The following CRTC1 variants were observed in gnomAD, a reference collection of about 807,000 sequenced individuals.
The protein encoded by CRTC1 is CREB regulated transcription coactivator 1.
A neutral mutation model predicts 66.1 loss-of-function variants in CRTC1; 18 were observed. The ratio of observed to expected loss-of-function variants is 0.27; its 90% CI spans 0.19 to 0.40. CRTC1 has a LOEUF of 0.40. Ranked by LOEUF, CRTC1 falls within the 10% of genes least tolerant of loss-of-function variation. The pLI, the probability that CRTC1 is intolerant of heterozygous loss-of-function variation, is 1.00. For missense variants in CRTC1, 669 were observed against 887.9 expected, an observed-to-expected ratio of 0.75 and a Z score of 3.13; for synonymous variants, 416 against 398.8, an observed-to-expected ratio of 1.04 and a Z score of -0.51.
intron 5 of CRTC1, among the ~76,000 whole-genome samples, chr19:18,751,061 A>G (rs747081480): frequency 3.3e-5 from 5 of 152,032 alleles, no homozygotes; most frequent in African/African-American, 7.2e-5. Flanking sequence ...CACATCATCT[A>G]TCCCCACTCT....
At chr19:18,751,108 G>GGCCTGGCTGCCTCCTCGCA (rs2054353283) in intron 5 of CRTC1, among the ~76,000 whole-genome samples, 1 of 152,146 alleles carries the variant, frequency 6.6e-6, no homozygotes, top group African/African-American at 2.4e-5. Context: ...GGCTGGGGTT[G>GGCCTGGCTGCCTCCTCGCA]GCCTGGCTGC....
intron 1 of CRTC1, among the ~76,000 whole-genome samples, chr19:18,724,623 C>T (rs562643615): frequency 1.5e-4 from 22 of 150,804 alleles, no homozygotes; most frequent in Non-Finnish European, 1.0e-4. Flanking sequence ...TGGCTCCAGC[C>T]GTTCCTTGGC....
Position 18,742,905 on chromosome 19 carries a change from C to T in CRTC1, c.127-5C>T, listed in dbSNP as rs569938199. On this transcript the variant is annotated splice_region_variant and splice_polypyrimidine_tract_variant and intron_variant, in intron 1 of 13. Coordinates refer to ENST00000321949, the MANE Select transcript of CRTC1 (RefSeq NM_015321.3). ...CTCCCGCAGCTGCTGGCTTCTCTCT[C>T]GCAGCTCCAGCTCCAGAAATCCCAG... 10 of 1,608,978 alleles carry T rather than the reference C, an allele frequency of 6.2e-6. No individual in the cohort carries two copies. Among genetic ancestry groups the T allele is most frequent in the South Asian group, 3.3e-5 (3 of 90,984 alleles).
At chr19:18,688,823 C>T (rs2052753183) in intron 1 of CRTC1, among the ~76,000 whole-genome samples, 1 of 152,154 alleles carries the variant, frequency 6.6e-6, no homozygotes, top group Non-Finnish European at 1.5e-5. Flanking sequence ...CACATTTGCA[C>T]AGCCAACACC....
At position 18,778,090 on chromosome 19, in the gene CRTC1, C is replaced by T. The variant is rs931823393; in HGVS notation, c.*708C>T. 1 of 233,166 alleles carries T rather than the reference C, an allele frequency of 4.3e-6. No individual in the cohort carries two copies. The highest frequency in any genetic ancestry group is 6.0e-5 in the East Asian group (1 of 16,532). The allele number at this position is 233,166 out of a possible 1,614,324, so 14.4% of individuals were successfully genotyped here. A position where few individuals can be genotyped will look rare whatever the true frequency, so the allele number is the denominator to read the frequency against. ...CCATCCCCTCGAAGCCCTGCCTCAC[C>T]GCAGGCAGGCCCATCGGTGGCCACC... On this transcript the variant is annotated 3_prime_UTR_variant, in exon 14 of 14. Transcript: ENST00000321949.
At position 18,770,828 on chromosome 19, in the gene CRTC1, ATGTGGG is replaced by A. The variant is rs1469772461; in HGVS notation, c.1321-603_1321-598del. On this transcript the variant is annotated intron_variant, in intron 10 of 13. Coordinates refer to ENST00000321949, the MANE Select transcript of CRTC1 (RefSeq NM_015321.3). ...GGTGTGTACATGCGTGGGTGTGTCCATGTGGGTGTGGGTGTGCATGTGGGTGTGGGT... is the reference window on the plus strand; with the variant it reads ...GGTGTGTACATGCGTGGGTGTGTCCATGTGGGTGTGCATGTGGGTGTGGGT... Among the ~76,000 whole-genome samples the A allele has an allele frequency of 4.2e-5, 6 of 143,056 alleles. No homozygotes were observed. The East Asian group carries it at 8.3e-4, about 20-fold the overall frequency. The allele number at this position is 143,056 out of a possible 152,430, so 93.9% of individuals were successfully genotyped here. A position where few individuals can be genotyped will look rare whatever the true frequency, so the allele number is the denominator to read the frequency against.
At chr19:18,755,886 G>T (rs949947105) in intron 6 of CRTC1, among the ~76,000 whole-genome samples, 6 of 152,056 alleles carry the variant, frequency 3.9e-5, no homozygotes, top group Admixed American at 6.6e-5. Flanking sequence ...ACAGGCATGA[G>T]CCACCTCGCC....
rs372512561 is a variant in CRTC1, at chr19:18,760,017, G to A, written c.675G>A (p.Pro225=). The A allele has an allele frequency of 4.0e-5, 63 of 1,557,660 alleles. No individual in the cohort carries two copies. The highest frequency in any genetic ancestry group is 4.9e-5 in the Non-Finnish European group (56 of 1,142,590). Reference sequence around the variant, plus strand: ...TCTGGCCTTTTCCCAGCATCTTCCCGTCTGCCGACCAGGAAAACACTACAG... The same window carrying A: ...TCTGGCCTTTTCCCAGCATCTTCCCATCTGCCGACCAGGAAAACACTACAG... The part of the protein sequence containing the change: ...SCEVPGINIF[P]SADQENTTAL... Residue 225 remains proline (P), a synonymous_variant, in exon 8 of 14, where the codon CCG becomes CCA. Transcript: ENST00000321949. The surrounding 1 kb of genome is among the most constrained non-coding windows in gnomAD (Gnocchi z 6.2).
rs2055094200 is a variant in CRTC1, at chr19:18,781,118, TG to T, written c.*3741del. 4.4e-6 allele frequency: 1 copy of T among 227,296 alleles called. No homozygotes were observed. The highest frequency in any genetic ancestry group is 8.7e-6 in the Non-Finnish European group (1 of 114,400). The allele number at this position is 227,296 out of a possible 1,614,324, so 14.1% of individuals were successfully genotyped here. On this transcript the variant is annotated 3_prime_UTR_variant, in exon 14 of 14. Transcript: ENST00000321949. ...CTCAGAGGCCGAGGGGCCCTCTGTG[TG>T]GGGGTGGGACGCAGGGGCTCTCAGA...
At chr19:18,763,448 A>G (rs2054659364) in intron 8 of CRTC1, among the ~76,000 whole-genome samples, 1 of 152,194 alleles carries the variant, frequency 6.6e-6, no homozygotes, top group South Asian at 2.1e-4. Context: ...GCCTGGGAAC[A>G]AGGGCCCTAC....
intron 8 of CRTC1, among the ~76,000 whole-genome samples, chr19:18,764,853 G>A (rs72997391): frequency 0.038 from 5,773 of 152,250 alleles, 156 homozygotes; most frequent in Middle Eastern, 0.058. Flanking sequence ...CAAGATCCAC[G>A]AGGTGGTGGG....
At chr19:18,744,162 G>T in intron 2 of CRTC1, 1 of 1,611,142 alleles carries the variant, frequency 6.2e-7, no homozygotes. Flanking sequence ...TCTGGTAAAT[G>T]AGCCCCCAGG....
At chr19:18,748,374 ATTTTTTTTTTTT>A (rs777077338) in intron 4 of CRTC1, among the ~76,000 whole-genome samples, 5 of 75,378 alleles carry the variant, frequency 6.6e-5, no homozygotes, top group African/African-American at 2.1e-4. Flanking sequence ...CTTCCAGCTG[ATTTTTTTTTTTT>A]TTTTTTTTTT....
intron 8 of CRTC1, among the ~76,000 whole-genome samples, chr19:18,762,916 C>T (rs1417796476): frequency 2.6e-5 from 4 of 152,192 alleles, no homozygotes; most frequent in Admixed American, 2.0e-4. Flanking sequence ...TGGTATGTTT[C>T]GTGTGGGCCC....
rs1423145983 is a variant in CRTC1 at position 18,735,308 on chromosome 19, T to C, written c.127-7602T>C. On this transcript the variant is annotated intron_variant, in intron 1 of 13. Transcript: ENST00000321949. ...ACACTGGCATCAGCCCCTCCTGGCA[T>C]TGGGGATGCCATCCCTGCTGGTGCA... 8.5e-5 allele frequency among the ~76,000 whole-genome samples: 13 copies of C among 152,280 alleles called. No individual in the cohort carries two copies. In the South Asian group the frequency reaches 2.7e-3, roughly 32 times the overall value.
chr19:18,769,987 C>A (rs1321513336), intron 10 of CRTC1, among the ~76,000 whole-genome samples: 1 of 152,148 alleles, frequency 6.6e-6, no homozygotes, highest in Non-Finnish European at 1.5e-5. Flanking sequence ...ATCACCCACG[C>A]AGGCGAGCTC....
intron 11 of CRTC1, among the ~76,000 whole-genome samples, chr19:18,773,211 A>G (rs1257979023): frequency 1.3e-5 from 2 of 151,868 alleles, no homozygotes; most frequent in Non-Finnish European, 2.9e-5. Flanking sequence ...TTCTAGGTGG[A>G]GCCGAGACCT....
At chr19:18,764,756 G>A (rs759903673) in intron 8 of CRTC1, among the ~76,000 whole-genome samples, 6 of 152,192 alleles carry the variant, frequency 3.9e-5, no homozygotes, top group Non-Finnish European at 7.3e-5. Context: ...AGGAGGAAGT[G>A]GCTGTGGGAC....
intron 1 of CRTC1, among the ~76,000 whole-genome samples, chr19:18,731,398 T>C (rs1190906919): frequency 6.6e-6 from 1 of 152,148 alleles, no homozygotes; most frequent in African/African-American, 2.4e-5. Flanking sequence ...CTTGGCCCAC[T>C]TTCCTCAGTG....
Sources: allele counts gnomAD v4.1 joint callset (sites outside exome capture counted in the v4.1 genomes callset), GRCh38; gene constraint gnomAD v4.1.1; non-coding constraint Gnocchi (gnomAD v3.1); transcripts MANE v1.5; gene names NCBI Gene and HGNC (gene_info 2026-07-23, HGNC 2026-07-21).